Variants in ACYP2 observed in about 807,000 individuals in gnomAD.
The protein encoded by ACYP2 is acylphosphatase 2.
A neutral mutation model predicts 11.2 loss-of-function variants in ACYP2; 12 were observed. The ratio of observed to expected loss-of-function variants is 1.08; its 90% CI spans 0.69 to 1.74. The LOEUF is 1.74. Ranked by LOEUF, ACYP2 falls within the 40% of genes most tolerant of loss-of-function variation. The pLI is 0.00. For missense variants in ACYP2, 134 were observed against 101.9 expected (o/e 1.31, Z -1.35); for synonymous variants, 43 against 32.2 (o/e 1.33, Z -1.13).
intron 2 of ACYP2, among the ~76,000 whole-genome samples, chr2:54,041,977 C>G (rs76134249): frequency 6.0e-5 from 9 of 151,210 alleles, no homozygotes; most frequent in African/African-American, 4.9e-5. Context: ...TTTCTGTCTC[C>G]GGTCCATTGC....
intron 6 of ACYP2, among the ~76,000 whole-genome samples, chr2:54,292,912 A>T (rs1029421662): frequency 6.6e-6 from 1 of 152,150 alleles, no homozygotes; most frequent in African/African-American, 2.4e-5. Flanking sequence ...CAGTTCTTCC[A>T]ATTATTTTGT....
At chr2:53,999,884 C>A (rs760887635) in intron 2 of ACYP2, among the ~76,000 whole-genome samples, 1 of 152,028 alleles carries the variant, frequency 6.6e-6, no homozygotes, top group Non-Finnish European at 1.5e-5. Context: ...CAAATTAAGT[C>A]CAAAGCAGTT....
At chr2:54,017,223 C>T (rs1673737799) in intron 2 of ACYP2, among the ~76,000 whole-genome samples, 1 of 144,374 alleles carries the variant, frequency 6.9e-6, no homozygotes, top group South Asian at 2.1e-4. Context: ...TAAAGGCCCC[C>T]TCTCTTTATA....
chr2:54,030,768 C>G (rs1366486349), intron 2 of ACYP2: 1 of 152,388 alleles, frequency 6.6e-6, no homozygotes, highest in African/African-American at 2.4e-5. Context: ...CATTTTTATA[C>G]ATTTGCAAAA....
chr2:54,091,365 C>G (rs1394450501), intron 4 of ACYP2, among the ~76,000 whole-genome samples: 1 of 152,042 alleles, frequency 6.6e-6, no homozygotes, highest in Non-Finnish European at 1.5e-5. Flanking sequence ...AATGTTGCAG[C>G]ATAAGCATTT....
chr2:54,017,915 G>A (rs1673787648), intron 2 of ACYP2, among the ~76,000 whole-genome samples: 1 of 151,892 alleles, frequency 6.6e-6, no homozygotes, highest in African/African-American at 2.4e-5. Flanking sequence ...GTCTTGGATG[G>A]TCTTGAACTC....
At position 54,115,611 on chromosome 2, in the gene ACYP2, T is replaced by A; in HGVS notation, c.278-19842T>A. On this transcript the variant is annotated intron_variant, in intron 4 of 6. Transcript: ENST00000607452. ...GACAGGCGCGGGGTGCGCCAAGCAG[T>A]CCCATGTGTCCCCTCCCTCTCGCAG... The A allele has an allele frequency of 3.9e-6, 6 of 1,557,524 alleles. No homozygotes were observed. Among genetic ancestry groups the A allele is most frequent in the Non-Finnish European group, 5.2e-6 (6 of 1,151,012 alleles).
intron 2 of ACYP2, among the ~76,000 whole-genome samples, chr2:54,005,751 A>C (rs1371739555): frequency 1.3e-5 from 2 of 152,350 alleles, no homozygotes; most frequent in Non-Finnish European, 1.5e-5. Context: ...TCTTGAAATC[A>C]GGTAGTGTCA....
At chr2:54,088,728 T>C (rs960778949) in intron 4 of ACYP2, among the ~76,000 whole-genome samples, 7 of 152,328 alleles carry the variant, frequency 4.6e-5, no homozygotes, top group Admixed American at 1.3e-4. Flanking sequence ...AAAGTGACCA[T>C]AGATTGGCCT....
Position 54,179,742 on chromosome 2 carries a change from G to A in ACYP2, c.404+40994G>A, listed in dbSNP as rs111506798. Among the ~76,000 whole-genome samples the A allele has an allele frequency of 3.5e-3, 528 of 152,228 alleles. 4 individuals are homozygous for A. The highest frequency in any genetic ancestry group is 0.012 in the African/African-American group (491 of 41,546). On this transcript the variant is annotated intron_variant, in intron 6 of 6. Transcript: ENST00000607452. ...GGTTTTGGCTGGCTTCTTGACTGCA[G>A]CCTGTTTTATCAGCAAGGTCTTTAT...
intron 6 of ACYP2, among the ~76,000 whole-genome samples, chr2:54,148,558 C>T (rs1682005322): frequency 6.6e-6 from 1 of 152,008 alleles, no homozygotes; most frequent in Admixed American, 6.6e-5. Context: ...GTGGAGATGC[C>T]ACTAGGCTCC....
rs139370216 is a variant in ACYP2, at chr2:54,160,348, C to G, written c.404+21600C>G. Among the ~76,000 whole-genome samples the G allele has an allele frequency of 8.4e-3, 1,273 of 152,318 alleles. 17 individuals are homozygous for G. Among genetic ancestry groups the G allele is most frequent in the South Asian group, 0.033 (161 of 4,822 alleles). On this transcript the variant is annotated intron_variant, in intron 6 of 6. Coordinates refer to ENST00000607452, the MANE Select transcript of ACYP2 (RefSeq NM_001320586.2). ...TTTCCCAGAAGCTGGCAGCACACTT[C>G]TATGTGTGTGCTATTGTCCATCCCT...
At chr2:54,139,206 C>A (rs113385181) in intron 6 of ACYP2, among the ~76,000 whole-genome samples, 1 of 152,160 alleles carries the variant, frequency 6.6e-6, no homozygotes, top group Admixed American at 6.5e-5. Flanking sequence ...GTCCAGGGCC[C>A]AAGTAATTCT....
At chr2:54,129,924 G>T (rs1020172299) in intron 4 of ACYP2, among the ~76,000 whole-genome samples, 1 of 148,258 alleles carries the variant, frequency 6.7e-6, no homozygotes, top group East Asian at 2.0e-4. Flanking sequence ...ATATAATAAA[G>T]ATATATAAAA....
intron 6 of ACYP2, among the ~76,000 whole-genome samples, chr2:54,275,052 TGTAAG>T (rs1688487561): frequency 6.6e-6 from 1 of 150,824 alleles, no homozygotes; most frequent in Non-Finnish European, 1.5e-5. Flanking sequence ...TTAAGTTCTG[TGTAAG>T]GTAAGGTATA....
At chr2:53,985,391 A>G (rs1377893383) in intron 2 of ACYP2, among the ~76,000 whole-genome samples, 3 of 151,884 alleles carry the variant, frequency 2.0e-5, no homozygotes, top group Admixed American at 6.6e-5. Context: ...TTTTCATACT[A>G]TATTCCATCT....
chr2:54,219,381 T>C (rs146669322), intron 6 of ACYP2, among the ~76,000 whole-genome samples: 38 of 152,018 alleles, frequency 2.5e-4, no homozygotes, highest in African/African-American at 8.4e-4. Flanking sequence ...GAAAATAAGA[T>C]TGGAAAATAA....
intron 6 of ACYP2, among the ~76,000 whole-genome samples, chr2:54,284,180 C>G (rs528669375): frequency 6.6e-6 from 1 of 152,138 alleles, no homozygotes; most frequent in African/African-American, 2.4e-5. Context: ...AATTAAAAGC[C>G]AAAGCCAGAC....
intron 4 of ACYP2, among the ~76,000 whole-genome samples, chr2:54,107,816 G>A (rs575499025): frequency 2.0e-5 from 3 of 152,296 alleles, no homozygotes; most frequent in South Asian, 4.1e-4. Context: ...TCCACTTTGA[G>A]GCTGAAGTTT....
Sources: allele counts gnomAD v4.1 joint callset (sites outside exome capture counted in the v4.1 genomes callset), GRCh38; gene constraint gnomAD v4.1.1; transcripts MANE v1.5; gene names NCBI Gene and HGNC (gene_info 2026-07-23, HGNC 2026-07-21).